The following SYN3 variants were observed in gnomAD, a reference collection of about 807,000 sequenced individuals.
SYN3 encodes the protein synapsin III.
Under a neutral mutation model 65.8 loss-of-function variants are expected in SYN3, and 35 were observed. The observed-to-expected ratio is 0.53, with a 90% CI of 0.41 to 0.70. The LOEUF (loss-of-function observed/expected upper bound fraction) is 0.70, where lower values mean the gene tolerates loss of function less well. Ranked by LOEUF, SYN3 falls within the 30% of genes least tolerant of loss-of-function variation. The pLI, the probability that SYN3 is intolerant of heterozygous loss-of-function variation, is 0.00. For missense variants in SYN3, 680 were observed against 749.0 expected, an observed-to-expected ratio of 0.91 and a Z score of 1.08; for synonymous variants, 270 against 292.9, an observed-to-expected ratio of 0.92 and a Z score of 0.80.
At chr22:32,666,725 G>C (rs1279994667) in intron 6 of SYN3, among the ~76,000 whole-genome samples, 3 of 152,106 alleles carry the variant, frequency 2.0e-5, no homozygotes, top group Non-Finnish European at 4.4e-5. Flanking sequence ...ATGCCATCCA[G>C]TTGACTTTAT....
intron 6 of SYN3, among the ~76,000 whole-genome samples, chr22:32,741,346 A>AGTTTTT (rs1569186814): frequency 7.3e-6 from 1 of 137,322 alleles, no homozygotes; most frequent in African/African-American, 2.7e-5. Context: ...TCTAGAGCCC[A>AGTTTTT]ATTTTTTTTT....
chr22:32,561,039 C>G (rs2058579679), intron 7 of SYN3, among the ~76,000 whole-genome samples: 1 of 152,194 alleles, frequency 6.6e-6, no homozygotes, highest in Non-Finnish European at 1.5e-5. Flanking sequence ...CTCCTCAGCC[C>G]ACCCACAAAT....
chr22:32,603,824 C>T (rs2059323597), intron 6 of SYN3, among the ~76,000 whole-genome samples: 1 of 152,224 alleles, frequency 6.6e-6, no homozygotes, highest in South Asian at 2.1e-4. Context: ...TCACAGGCTC[C>T]CTGTCCCGCT....
chr22:32,766,751 T>G (rs965942392), intron 6 of SYN3, among the ~76,000 whole-genome samples: 1 of 152,172 alleles, frequency 6.6e-6, no homozygotes, highest in Non-Finnish European at 1.5e-5. Context: ...TCATCCTTCC[T>G]CTAAATAAAT....
At chr22:32,965,916 G>C (rs375726233) in intron 3 of SYN3, among the ~76,000 whole-genome samples, 3 of 152,124 alleles carry the variant, frequency 2.0e-5, no homozygotes, top group South Asian at 2.1e-4. Context: ...AGGTGGTCTC[G>C]ATCTCCTGAC....
intron 7 of SYN3, among the ~76,000 whole-genome samples, chr22:32,546,507 G>A (rs2058337971): frequency 6.6e-6 from 1 of 152,102 alleles, no homozygotes; most frequent in Non-Finnish European, 1.5e-5. Context: ...AGAATTCCAG[G>A]ATTCTGGCGA....
rs1271781919 is a variant in SYN3 at position 32,996,562 on chromosome 22, G to A, written c.311+9790C>T. Among the ~76,000 whole-genome samples, 3 of 152,050 alleles carry A rather than the reference G, an allele frequency of 2.0e-5. No individual in the cohort carries two copies. In the East Asian group the frequency reaches 5.8e-4, roughly 29 times the overall value. Reference sequence around the variant, plus strand: ...CCACGCTACCACCTGTCAGCCTAGAGTTCTCTTGAGTATTATCTTCTTTCC... The same window carrying A: ...CCACGCTACCACCTGTCAGCCTAGAATTCTCTTGAGTATTATCTTCTTTCC... On this transcript the variant is annotated intron_variant, in intron 2 of 13. Coordinates refer to ENST00000358763, the MANE Select transcript of SYN3 (RefSeq NM_003490.4).
chr22:32,800,270 A>G (rs1222273399), intron 6 of SYN3, among the ~76,000 whole-genome samples: 1 of 152,196 alleles, frequency 6.6e-6, no homozygotes, highest in Non-Finnish European at 1.5e-5. Context: ...AAAGGGAAAG[A>G]GACAAAAGTG....
intron 6 of SYN3, among the ~76,000 whole-genome samples, chr22:32,784,353 G>C (rs981115676): frequency 6.6e-6 from 1 of 152,204 alleles, no homozygotes; most frequent in Non-Finnish European, 1.5e-5. Context: ...ACTTTTTCCT[G>C]CTGGCTTTGA....
At chr22:32,891,771 GC>G (rs1210638564) in intron 4 of SYN3, among the ~76,000 whole-genome samples, 2 of 151,986 alleles carry the variant, frequency 1.3e-5, no homozygotes, top group Non-Finnish European at 2.9e-5. Context: ...AACTCATTCA[GC>G]CCCCTTTTCC....
chr22:32,516,255 T>C (rs2057772206), intron 13 of SYN3, among the ~76,000 whole-genome samples: 2 of 152,128 alleles, frequency 1.3e-5, no homozygotes, highest in Admixed American at 6.6e-5. Flanking sequence ...AAAGGACACA[T>C]AGGAACTAAC....
intron 6 of SYN3, among the ~76,000 whole-genome samples, chr22:32,636,351 G>C (rs552815243): frequency 1.3e-5 from 2 of 149,880 alleles, no homozygotes; most frequent in African/African-American, 4.9e-5. Flanking sequence ...GCAGTGAGCC[G>C]AGATTGTGCC....
chr22:32,910,745 G>A (rs971168531), intron 4 of SYN3, among the ~76,000 whole-genome samples: 2 of 152,192 alleles, frequency 1.3e-5, no homozygotes, highest in South Asian at 4.1e-4. Flanking sequence ...TCTTCATCTG[G>A]AAAATAGGTC....
At chr22:32,515,850 G>A (rs1184123529) in intron 13 of SYN3, among the ~76,000 whole-genome samples, 1 of 151,960 alleles carries the variant, frequency 6.6e-6, no homozygotes, top group Non-Finnish European at 1.5e-5. Flanking sequence ...CCAGGCTGGA[G>A]TGCAGTGGCA....
intron 10 of SYN3, chr22:32,530,320 A>C (rs2058048110): frequency 6.6e-6 from 1 of 152,220 alleles, no homozygotes; most frequent in Non-Finnish European, 1.5e-5. Context: ...ATCTCTCATA[A>C]ACCTCAGAAT....
At chr22:32,855,909 T>G (rs562585463) in intron 6 of SYN3, among the ~76,000 whole-genome samples, 1 of 152,340 alleles carries the variant, frequency 6.6e-6, no homozygotes, top group Admixed American at 6.5e-5. Flanking sequence ...ATAAAGTATT[T>G]AACAGTTAAA....
chr22:32,782,977 T>C (rs950684409), intron 6 of SYN3, among the ~76,000 whole-genome samples: 10 of 152,366 alleles, frequency 6.6e-5, no homozygotes, highest in Middle Eastern at 3.4e-3. Context: ...GCACTTCTCA[T>C]TGAAGCTTCC....
At chr22:32,585,902 ATGTG>A (rs2059017337) in intron 7 of SYN3, among the ~76,000 whole-genome samples, 1 of 61,910 alleles carries the variant, frequency 1.6e-5, no homozygotes, top group Non-Finnish European at 3.4e-5. Context: ...ATACGTATAT[ATGTG>A]TATGTATACA....
At chr22:32,551,567 T>C (rs1300887846) in intron 7 of SYN3, among the ~76,000 whole-genome samples, 3 of 151,132 alleles carry the variant, frequency 2.0e-5, no homozygotes, top group Admixed American at 1.3e-4. Context: ...TTATAGATCA[T>C]AAGAGGCTTA....
Sources: allele counts gnomAD v4.1 joint callset (sites outside exome capture counted in the v4.1 genomes callset), GRCh38; gene constraint gnomAD v4.1.1; transcripts MANE v1.5; gene names NCBI Gene and HGNC (gene_info 2026-07-23, HGNC 2026-07-21).